The following AHI1 variants were observed in gnomAD, a reference collection of about 807,000 sequenced individuals.
AHI1 encodes jouberin.
A neutral mutation model predicts 149.3 loss-of-function variants in AHI1; 123 were observed. The ratio of observed to expected loss-of-function variants is 0.82; its 90% confidence interval spans 0.71 to 0.96. AHI1 has a LOEUF of 0.96. AHI1 is among the 40% of genes least tolerant of loss of function. The pLI is 0.00. For missense variants in AHI1, 1,439 were observed against 1,422.7 expected (o/e 1.01, Z -0.18); for synonymous variants, 475 against 459.8 (o/e 1.03, Z -0.42).
At position 135,352,736 on chromosome 6, in the gene AHI1, CAA is replaced by C. The variant is rs1491258959; in HGVS notation, c.3165+5394_3165+5395del. On this transcript the variant is annotated intron_variant, in intron 24 of 28. Coordinates refer to ENST00000265602, the MANE Select transcript of AHI1 (RefSeq NM_001134831.2). ...ATACACACACACACACACACACACA[CAA>C]TATATATACACACACATATATATAT... Among the ~76,000 whole-genome samples the C allele has an allele frequency of 1.0e-4, 15 of 145,632 alleles. 2 individuals are homozygous for C. In the East Asian group the frequency reaches 3.0e-3, roughly 29 times the overall value.
intron 26 of AHI1, among the ~76,000 whole-genome samples, chr6:135,311,050 G>A (rs980950759): frequency 4.0e-5 from 6 of 151,880 alleles, no homozygotes; most frequent in African/African-American, 1.2e-4. Flanking sequence ...ACTTGTCATC[G>A]CAGCACTTTG....
At chr6:135,338,824 A>G (rs962348148) in intron 24 of AHI1, among the ~76,000 whole-genome samples, 5 of 152,222 alleles carry the variant, frequency 3.3e-5, no homozygotes, top group Non-Finnish European at 7.3e-5. Flanking sequence ...TAGACAGGGC[A>G]GAATGGGTCT....
chr6:135,412,378 C>G (rs1156329293), intron 20 of AHI1, among the ~76,000 whole-genome samples: 1 of 152,184 alleles, frequency 6.6e-6, no homozygotes, highest in Non-Finnish European at 1.5e-5. Context: ...GGAACCAGTC[C>G]TCTATAGATA....
At chr6:135,301,222 GC>G (rs1783839649) in intron 26 of AHI1, 1 of 984,336 alleles carries the variant, frequency 1.0e-6, no homozygotes, top group African/African-American at 1.8e-5. Context: ...AAAACGAATT[GC>G]AATTTTTTTT....
chr6:135,295,262 C>A (rs1484065911), intron 27 of AHI1, among the ~76,000 whole-genome samples: 1 of 152,112 alleles, frequency 6.6e-6, no homozygotes, highest in Non-Finnish European at 1.5e-5. Context: ...GAAGGACTGA[C>A]CATATCAAGT....
At chr6:135,377,849 C>T (rs1562617454) in intron 23 of AHI1, among the ~76,000 whole-genome samples, 1 of 151,952 alleles carries the variant, frequency 6.6e-6, no homozygotes, top group Non-Finnish European at 1.5e-5. Context: ...CTTCTCAACT[C>T]TGGATTTATC....
intron 27 of AHI1, among the ~76,000 whole-genome samples, chr6:135,292,817 C>G (rs1782532595): frequency 6.6e-6 from 1 of 151,960 alleles, no homozygotes. Flanking sequence ...ATAGAAATTA[C>G]ACAAGGAGGA....
Position 135,314,940 on chromosome 6 carries a change from T to C in AHI1, c.3426+3579A>G, listed in dbSNP as rs187021023. 3.1e-3 allele frequency among the ~76,000 whole-genome samples: 467 copies of C among 152,340 alleles called. 4 individuals are homozygous for C. Among genetic ancestry groups the C allele is most frequent in the African/African-American group, 0.01 (422 of 41,568 alleles). On this transcript the variant is annotated intron_variant, in intron 26 of 28. Coordinates refer to ENST00000265602, the MANE Select transcript of AHI1 (RefSeq NM_001134831.2). ...CACATTAAAATTACCTGGAAAGCTT[T>C]TGAAATCTGCCCTTGCCTACGTCCT... is the stretch of plus-strand genomic sequence containing the variant.
At chr6:135,300,973 C>T (rs1783805255) in intron 26 of AHI1, 5 of 985,818 alleles carry the variant, frequency 5.1e-6, no homozygotes, top group African/African-American at 1.7e-5. Context: ...ACACATTGAT[C>T]TGTATGCAAG....
chr6:135,386,145 G>A (rs1777544606), intron 23 of AHI1, among the ~76,000 whole-genome samples: 1 of 152,004 alleles, frequency 6.6e-6, no homozygotes, highest in East Asian at 1.9e-4. Context: ...GTTTCTGAAG[G>A]ATAAAGGCTG....
intron 28 of AHI1, 50 bp from the exon 29 acceptor site, chr6:135,285,697 T>A: frequency 6.6e-7 from 1 of 1,504,786 alleles, no homozygotes; most frequent in African/African-American, 1.4e-5. Context: ...AATAATGTCT[T>A]CTGACTACAA....
At chr6:135,426,765 T>C (rs2128004750) in intron 20 of AHI1, among the ~76,000 whole-genome samples, 1 of 151,746 alleles carries the variant, frequency 6.6e-6, no homozygotes, top group East Asian at 1.9e-4. Context: ...CGAAAGACAT[T>C]AGATTTCTAA....
chr6:135,427,009 T>A (rs1783999683), intron 20 of AHI1, among the ~76,000 whole-genome samples, 158 bp downstream of exon 20: 2 of 151,722 alleles, frequency 1.3e-5, no homozygotes, highest in African/African-American at 4.8e-5. Flanking sequence ...TTAAATTGAT[T>A]TACAAAGAAA....
chr6:135,344,757 T>C, intron 24 of AHI1, among the ~76,000 whole-genome samples: 1 of 151,682 alleles, frequency 6.6e-6, no homozygotes, highest in East Asian at 1.9e-4. Flanking sequence ...TTCCTTTCTC[T>C]CTCTCTCTCT....
At chr6:135,353,344 A>G (rs1792449876) in intron 24 of AHI1, among the ~76,000 whole-genome samples, 1 of 152,074 alleles carries the variant, frequency 6.6e-6, no homozygotes, top group Non-Finnish European at 1.5e-5. Flanking sequence ...GAGATTGGCC[A>G]TGGGTTCTAT....
intron 5 of AHI1, among the ~76,000 whole-genome samples, chr6:135,483,227 C>G (rs1269623894): frequency 6.6e-6 from 1 of 151,862 alleles, no homozygotes; most frequent in Non-Finnish European, 1.5e-5. Context: ...TTAGTTACCC[C>G]CTGAAAACAC....
chr6:135,465,635 C>A (rs1026519375), intron 7 of AHI1, among the ~76,000 whole-genome samples, 179 bp downstream of exon 7: 1 of 152,118 alleles, frequency 6.6e-6, no homozygotes, highest in East Asian at 1.9e-4. Context: ...AGTTAATTCT[C>A]GTAAAGCACC....
intron 13 of AHI1, among the ~76,000 whole-genome samples, chr6:135,446,563 C>G (rs1017267982): frequency 1.3e-5 from 2 of 152,120 alleles, no homozygotes; most frequent in East Asian, 3.9e-4. Flanking sequence ...CAGATTCGTG[C>G]CCTTATAAGA....
chr6:135,438,456 C>T lies in AHI1; in HGVS notation c.1955G>A (p.Gly652Asp). 1 of 1,552,422 alleles carries T rather than the reference C, an allele frequency of 6.4e-7. No homozygotes were observed. The highest frequency in any genetic ancestry group is 8.7e-7 in the Non-Finnish European group (1 of 1,146,574). ...PSGRFMRELC[G>D]HLNIIYDLSW... ...AAGATCATAAATGATATTGAGGTGG[C>T]CACACAATTCTCTCATGAAACGTCC... is the stretch of plus-strand genomic sequence containing the variant. Residue 652 changes from glycine (G) to aspartate (D), a missense_variant, in exon 15 of 29, where the codon GGC (glycine) becomes GAC (aspartate). By Grantham distance (94) the Gly-to-Asp change is moderately conservative. Transcript: ENST00000265602.
Sources: gnomAD v4.1 joint callset for allele counts (sites outside exome capture counted in the v4.1 genomes callset) on GRCh38, gnomAD v4.1.1 for gene constraint, MANE v1.5 for transcripts, NCBI Gene and HGNC (gene_info 2026-07-23, HGNC 2026-07-21) for gene names.